The following HERC3 variants were observed in gnomAD, a reference collection of about 807,000 sequenced individuals.
HERC3 encodes probable E3 ubiquitin-protein ligase HERC3.
A neutral mutation model predicts 129.9 loss-of-function variants in HERC3; 58 were observed. The ratio of observed to expected loss-of-function variants is 0.45; its 90% confidence interval spans 0.36 to 0.56. The LOEUF (loss-of-function observed/expected upper bound fraction) is 0.56, where lower values mean the gene tolerates loss of function less well. Among genes scored for constraint, HERC3 ranks in the 20% least tolerant of loss-of-function variants. The pLI is 0.00. For synonymous variants in HERC3, 430 were observed against 451.0 expected, an observed-to-expected ratio of 0.95 and a Z score of 0.59; for missense variants, 835 against 1,244.2, an observed-to-expected ratio of 0.67 and a Z score of 4.95.
chr4:88,668,907 A>G (rs1308703476), intron 14 of HERC3, among the ~76,000 whole-genome samples: 2 of 152,036 alleles, frequency 1.3e-5, no homozygotes, highest in East Asian at 3.8e-4. Flanking sequence ...TTAGTACTTA[A>G]TTTTTTTTAA....
At chr4:88,527,216 T>C in the HERC3 span, 1 of 152,128 alleles carries the variant, frequency 6.6e-6, no homozygotes, top group African/African-American at 2.4e-5. Context: ...TTCTTTTCTT[T>C]CTTTCTTTCT....
intron 3 of HERC3, among the ~76,000 whole-genome samples, chr4:88,647,981 C>T (rs1023706385): frequency 6.6e-6 from 1 of 152,044 alleles, no homozygotes; most frequent in Non-Finnish European, 1.5e-5. Context: ...AGACACTCAT[C>T]CTTCCCCAAA....
the HERC3 span, among the ~76,000 whole-genome samples, chr4:88,547,517 AT>A: frequency 6.6e-6 from 1 of 152,170 alleles, no homozygotes; most frequent in African/African-American, 2.4e-5. Context: ...TATTTCTCCA[AT>A]CCCACTCCAC....
At chr4:88,545,430 C>CTTTTTTT in the HERC3 span, among the ~76,000 whole-genome samples, 5 of 110,398 alleles carry the variant, frequency 4.5e-5, no homozygotes, top group South Asian at 3.1e-4. Context: ...TTTGAGAATT[C>CTTTTTTT]TTTTTTTTTT....
At chr4:88,604,286 T>A (rs1723372558) in intron 2 of HERC3, among the ~76,000 whole-genome samples, 1 of 152,230 alleles carries the variant, frequency 6.6e-6, no homozygotes, top group Non-Finnish European at 1.5e-5. Flanking sequence ...CCCAAAGTGC[T>A]GGGATTACAG....
rs1422194953 is a variant in HERC3, at chr4:88,655,263, A to G, written c.867A>G (p.Leu289=). ...MNDEVNPRRV[L]ELMGSEVTQI... ...ATGAGGTTAACCCTAGAAGAGTTCT[A>G]GAGCTGATGGGTAGTGAAGTAACTC... Residue 289 remains leucine, a synonymous_variant, in exon 8 of 26, where the codon CTA becomes CTG. Coordinates refer to ENST00000402738, the MANE Select transcript of HERC3 (RefSeq NM_014606.3). 1 of 1,613,966 alleles carries G rather than the reference A, an allele frequency of 6.2e-7. No individual in the cohort carries two copies. The highest frequency in any genetic ancestry group is 1.7e-5 in the Admixed American group (1 of 60,020).
chr4:88,548,890 T>G, the HERC3 span, among the ~76,000 whole-genome samples: 1 of 152,156 alleles, frequency 6.6e-6, no homozygotes, highest in African/African-American at 2.4e-5. Context: ...CTTGATCTCC[T>G]GACCTCGTGA....
At position 88,704,587 on chromosome 4, in the gene HERC3, T is replaced by G; in HGVS notation, c.2921T>G (p.Leu974Trp). The change falls in exon 25 of 26, where the codon TTG becomes TGG. Residue 974 changes from leucine (L) to tryptophan (W), a missense_variant. Leu to Trp is a moderately conservative substitution (Grantham distance 61). Coordinates refer to ENST00000402738, the MANE Select transcript of HERC3 (RefSeq NM_014606.3). ...LFWETFHEFP[L>W]EKKKKFLLFL... ...TGGGAAACATTTCATGAGTTTCCAT[T>G]GGAAAAGAAGAAGAAGTTTCTCTGT... The G allele has an allele frequency of 6.2e-7, 1 of 1,601,496 alleles. No individual in the cohort carries two copies. The highest frequency in any genetic ancestry group is 8.6e-7 in the Non-Finnish European group (1 of 1,168,554).
Position 88,706,938 on chromosome 4 carries a change from A to G in HERC3, c.3131A>G (p.Tyr1044Cys). The G allele has an allele frequency of 6.2e-7, 1 of 1,614,136 alleles. No individual in the cohort carries two copies. The highest frequency in any genetic ancestry group is 8.5e-7 in the Non-Finnish European group (1 of 1,179,972). ...CGGCTGACCCAGGCCCTTGACAACT[A>G]TGAAGGGTTTAGTTTGGCCTGAGGC... ...SARLTQALDNYEGFSLA is the reference protein window; with the variant it reads ...SARLTQALDNCEGFSLA Residue 1044 changes from tyrosine (Y) to cysteine (C), a missense_variant, in exon 26 of 26, where the codon TAT becomes TGT. By Grantham distance (194) the Tyr-to-Cys change is radical. Coordinates refer to ENST00000402738, the MANE Select transcript of HERC3 (RefSeq NM_014606.3).
chr4:88,584,767 G>A, the HERC3 span, among the ~76,000 whole-genome samples: 41 of 152,200 alleles, frequency 2.7e-4, no homozygotes, highest in African/African-American at 9.7e-4. Context: ...CAGACTGTGA[G>A]CCAGTAAGTT....
chr4:88,631,900 T>C (rs1201253423), intron 3 of HERC3, among the ~76,000 whole-genome samples: 1 of 152,188 alleles, frequency 6.6e-6, no homozygotes, highest in African/African-American at 2.4e-5. Context: ...CTATAAAACC[T>C]GGACAGAATG....
rs73841608 is a variant in HERC3 at position 88,655,980 on chromosome 4, A to T, written c.1014A>T (p.Pro338=). The part of the protein sequence containing the change: ...GTGHTCNVKC[P]SPVKGYWAAH... ...GGCACACTTGTAATGTTAAGTGCCC[A>T]TCTCCTGTCAAGGGTTACTGGGCTG... The change falls in exon 9 of 26, where the codon CCA becomes CCT. Residue 338 remains proline, a synonymous_variant. Transcript: ENST00000402738. 5.7e-4 allele frequency: 925 copies of T among 1,614,156 alleles called. 7 individuals are homozygous for T. The African/African-American group carries it at 1.0e-2, about 17-fold the overall frequency.
chr4:88,539,645 G>A, the HERC3 span, among the ~76,000 whole-genome samples: 1 of 152,188 alleles, frequency 6.6e-6, no homozygotes, highest in African/African-American at 2.4e-5. Flanking sequence ...GCCTGACTGG[G>A]AGACACCTCC....
chr4:88,640,065 A>C (rs1727904369), intron 3 of HERC3, among the ~76,000 whole-genome samples: 1 of 152,254 alleles, frequency 6.6e-6, no homozygotes, highest in Non-Finnish European at 1.5e-5. Context: ...ATTATTAAAA[A>C]GTTGAGAAAC....
chr4:88,566,888 C>T, the HERC3 span, among the ~76,000 whole-genome samples: 1 of 152,192 alleles, frequency 6.6e-6, no homozygotes, highest in Non-Finnish European at 1.5e-5. Flanking sequence ...CTCCTGGGCT[C>T]AGGTGATTCT....
intron 3 of HERC3, among the ~76,000 whole-genome samples, chr4:88,626,403 T>G (rs1726103576): frequency 6.6e-6 from 1 of 152,164 alleles, no homozygotes; most frequent in Non-Finnish European, 1.5e-5. Flanking sequence ...CTTAAATGGC[T>G]GGTAGAGTCA....
intron 3 of HERC3, among the ~76,000 whole-genome samples, chr4:88,649,557 A>G (rs2149268623): frequency 6.6e-6 from 1 of 152,280 alleles, no homozygotes; most frequent in South Asian, 2.1e-4. Flanking sequence ...TGGAGAGAGA[A>G]GCACCAGGCA....
At chr4:88,677,936 A>G in intron 18 of HERC3, 28 bp from the exon 19 acceptor site, 1 of 1,605,214 alleles carries the variant, frequency 6.2e-7, no homozygotes, top group Non-Finnish European at 8.5e-7. Flanking sequence ...TGCTCTGAGT[A>G]ATTGCTTTCT....
At chr4:88,602,233 T>A (rs577316773) in intron 2 of HERC3, among the ~76,000 whole-genome samples, 6 of 151,464 alleles carry the variant, frequency 4.0e-5, no homozygotes, top group Non-Finnish European at 8.8e-5. Context: ...AAACCCTGTC[T>A]CTACTAAAAT....
Sources: gnomAD v4.1 joint callset for allele counts (sites outside exome capture counted in the v4.1 genomes callset) on GRCh38, gnomAD v4.1.1 for gene constraint, MANE v1.5 for transcripts, NCBI Gene and HGNC (gene_info 2026-07-23, HGNC 2026-07-21) for gene names.